Variants in SLC2A1 observed in about 807,000 individuals in gnomAD.
SLC2A1 encodes the protein solute carrier family 2, facilitated glucose transporter member 1.
SLC2A1 carries 4 observed loss-of-function variants against 46.6 expected under a neutral mutation model. That is an observed-to-expected ratio of 0.09 (90% CI 0.04 to 0.20). The LOEUF is 0.20. Among genes scored for constraint, SLC2A1 ranks in the 10% least tolerant of loss-of-function variants. The pLI is 1.00. For synonymous variants in SLC2A1, 253 were observed against 270.0 expected (o/e 0.94, Z 0.62); for missense variants, 352 against 667.0 (o/e 0.53, Z 5.20).
intron 1 of SLC2A1, chr1:42,951,479 T>G (rs4660691): frequency 0.76 from 138,356 of 182,138 alleles, 52,843 homozygotes; most frequent in Non-Finnish European, 0.79. Flanking sequence ...TAAGGGTTGG[T>G]TTGGTGAACA....
chr1:42,941,200 C>T (rs577798669), intron 2 of SLC2A1, among the ~76,000 whole-genome samples: 206 of 152,214 alleles, frequency 1.4e-3, no homozygotes, highest in Non-Finnish European at 2.7e-3. Flanking sequence ...AGTCTGATCA[C>T]GTCTGCCCTG....
chr1:42,926,776 T>C lies in SLC2A1; in HGVS notation c.*265A>G, dbSNP rs1643431027. 4 of 1,440,006 alleles carry C rather than the reference T, an allele frequency of 2.8e-6. No individual in the cohort carries two copies. The highest frequency in any genetic ancestry group is 1.2e-5 in the South Asian group (1 of 80,630). The allele number at this position is 1,440,006 out of a possible 1,614,324, so 89.2% of individuals were successfully genotyped here. On this transcript the variant is annotated 3_prime_UTR_variant, in exon 10 of 10. Transcript: ENST00000426263. ...TGTGGGCACAGGAGACTCAGGCTGA[T>C]ATAAAAATAACAAAATCAGTAATAA... is the stretch of plus-strand genomic sequence containing the variant.
chr1:42,955,170 G>C (rs1557655349), intron 1 of SLC2A1, among the ~76,000 whole-genome samples: 2 of 152,236 alleles, frequency 1.3e-5, no homozygotes, highest in Non-Finnish European at 2.9e-5. Flanking sequence ...GCCCAGGTAA[G>C]GCATCATGGG....
In SLC2A1 at chr1:42,926,814, A is replaced by G. The variant is rs1643431427; in HGVS notation, c.*227T>C. On this transcript the variant is annotated 3_prime_UTR_variant, in exon 10 of 10. Coordinates refer to ENST00000426263, the MANE Select transcript of SLC2A1 (RefSeq NM_006516.4). ...AAATCAGTAATAAAAAAATTATAAA[A>G]CCTGTTGCTTGTCTGAATAGATTTG... The G allele has an allele frequency of 2.0e-6, 3 of 1,496,300 alleles. No individual in the cohort carries two copies. The highest frequency in any genetic ancestry group is 2.7e-6 in the Non-Finnish European group (3 of 1,129,122). 92.7% of individuals were successfully genotyped at this position (1,496,300 alleles called of 1,614,324 possible).
chr1:42,929,042 A>G lies in SLC2A1; in HGVS notation c.973-9T>C, dbSNP rs1489912378. ...CGCTCCACCACAAACAGCTGTGGGC[A>G]GAGACAGTGTCAGTGCCACCCCTGC... On this transcript the variant is annotated splice_polypyrimidine_tract_variant and intron_variant, in intron 7 of 9. Transcript: ENST00000426263. This position sits in a 1 kb window ranked among gnomAD's most constrained non-coding sequence, Gnocchi z 6.0. 1.9e-6 allele frequency: 3 copies of G among 1,612,486 alleles called. No individual in the cohort carries two copies. The highest frequency in any genetic ancestry group is 8.5e-7 in the Non-Finnish European group (1 of 1,179,582).
rs33944767 is a variant in SLC2A1 at position 42,939,952 on chromosome 1, CAAAAA to C, written c.114+3269_114+3273del. Among the ~76,000 whole-genome samples, 17 of 91,612 alleles carry C rather than the reference CAAAAA, an allele frequency of 1.9e-4. 1 individual carries two copies. The highest frequency in any genetic ancestry group is 7.1e-4 in the African/African-American group (17 of 24,110). 60.1% of individuals were successfully genotyped at this position (91,612 alleles called of 152,430 possible). A position where few individuals can be genotyped will look rare whatever the true frequency, so the allele number is the denominator to read the frequency against. ...TGGGCAGCAGAGCAAGACTCCGTCT[CAAAAA>C]AAAAAAAAAAAAAAAAGGTATCTCA... On this transcript the variant is annotated intron_variant, in intron 2 of 9. Coordinates refer to ENST00000426263, the MANE Select transcript of SLC2A1 (RefSeq NM_006516.4).
chr1:42,932,517 C>G (rs561035126), intron 2 of SLC2A1, among the ~76,000 whole-genome samples: 1 of 152,204 alleles, frequency 6.6e-6, no homozygotes, highest in Non-Finnish European at 1.5e-5. Context: ...GCCCCTCATC[C>G]CCTACCACTT....
At chr1:42,953,832 G>A (rs1299942006) in intron 1 of SLC2A1, among the ~76,000 whole-genome samples, 5 of 152,190 alleles carry the variant, frequency 3.3e-5, no homozygotes, top group African/African-American at 1.2e-4. Context: ...ATCCCTGGAT[G>A]GCTCGGTACT....
rs748705634 is a variant in SLC2A1 at position 42,929,049 on chromosome 1, G to A, written c.973-16C>T. On this transcript the variant is annotated splice_polypyrimidine_tract_variant and intron_variant, in intron 7 of 9. Coordinates refer to ENST00000426263, the MANE Select transcript of SLC2A1 (RefSeq NM_006516.4). The surrounding 1 kb of genome is among the most constrained non-coding windows in gnomAD (Gnocchi z 6.0). ...CCACAAACAGCTGTGGGCAGAGACA[G>A]TGTCAGTGCCACCCCTGCCTAGTGC... 1.9e-6 allele frequency: 3 copies of A among 1,609,490 alleles called. No individual in the cohort carries two copies. In the African/African-American group the frequency reaches 4.0e-5, roughly 21 times the overall value.
chr1:42,934,669 C>T (rs1643524270), intron 2 of SLC2A1, among the ~76,000 whole-genome samples: 1 of 152,124 alleles, frequency 6.6e-6, no homozygotes, highest in African/African-American at 2.4e-5. Context: ...CAGGATCCCA[C>T]AGGCCCAATC....
intron 1 of SLC2A1, among the ~76,000 whole-genome samples, chr1:42,956,710 C>T (rs930246826): frequency 2.0e-5 from 3 of 152,222 alleles, no homozygotes; most frequent in Admixed American, 1.3e-4. Flanking sequence ...ATGAAGAGCA[C>T]CCACCTGCTA....
intron 1 of SLC2A1, among the ~76,000 whole-genome samples, chr1:42,948,675 T>C (rs1643683718): frequency 6.6e-6 from 1 of 152,056 alleles, no homozygotes; most frequent in South Asian, 2.1e-4. Flanking sequence ...ACACCTATAA[T>C]CCCAGCACTC....
chr1:42,947,073 C>A (rs1168751659), intron 1 of SLC2A1, among the ~76,000 whole-genome samples: 1 of 152,222 alleles, frequency 6.6e-6, no homozygotes, highest in East Asian at 1.9e-4. Flanking sequence ...TAGCAAGCTA[C>A]CCTCGATCGG....
chr1:42,942,885 C>A (rs2124461457), intron 2 of SLC2A1: 1 of 357,416 alleles, frequency 2.8e-6, no homozygotes, highest in South Asian at 2.3e-5. Context: ...CCCCAGAATG[C>A]CACGGAAATG....
intron 1 of SLC2A1, chr1:42,952,289 G>A (rs956202315): frequency 9.5e-6 from 4 of 419,652 alleles, no homozygotes; most frequent in African/African-American, 6.1e-5. Flanking sequence ...AATAGCCCGG[G>A]CTTCTAGGCA....
intron 2 of SLC2A1, among the ~76,000 whole-genome samples, chr1:42,940,106 A>T (rs1643582417): frequency 6.6e-6 from 1 of 152,090 alleles, no homozygotes. Context: ...ATGTTTAAAA[A>T]TAACCTTCAT....
chr1:42,952,915 C>T (rs779856360), intron 1 of SLC2A1, among the ~76,000 whole-genome samples: 56 of 152,234 alleles, frequency 3.7e-4, no homozygotes, highest in Non-Finnish European at 5.6e-4. Flanking sequence ...ACTCCCCAAG[C>T]CTGCTGCACA....
intron 2 of SLC2A1, among the ~76,000 whole-genome samples, chr1:42,935,905 G>A (rs1440356764): frequency 6.6e-6 from 1 of 152,132 alleles, no homozygotes; most frequent in Non-Finnish European, 1.5e-5. Flanking sequence ...CATTAGGTAG[G>A]GTCTGTGAGC....
rs1643439190 is a variant in SLC2A1 at position 42,927,479 on chromosome 1, G to T, written c.1278+126C>A. ...TTGAGGTCAGCATTCTTGGTCATGT[G>T]ACCTGGGCTTCCTACCCTCAGTTTC... On this transcript the variant is annotated intron_variant, in intron 9 of 9. Coordinates refer to ENST00000426263, the MANE Select transcript of SLC2A1 (RefSeq NM_006516.4). This position sits in a 1 kb window ranked among gnomAD's most constrained non-coding sequence, Gnocchi z 5.3. 1.0e-6 allele frequency: 1 copy of T among 995,516 alleles called. No individual in the cohort carries two copies. The highest frequency in any genetic ancestry group is 1.6e-6 in the Non-Finnish European group (1 of 642,382). The allele number at this position is 995,516 out of a possible 1,614,324, so 61.7% of individuals were successfully genotyped here.
Sources: gnomAD v4.1 joint callset for allele counts (sites outside exome capture counted in the v4.1 genomes callset) on GRCh38, gnomAD v4.1.1 for gene constraint, Gnocchi (gnomAD v3.1) non-coding constraint, MANE v1.5 for transcripts, NCBI Gene and HGNC (gene_info 2026-07-23, HGNC 2026-07-21) for gene names.